The following SH3RF3 variants were observed in gnomAD, a reference collection of about 807,000 sequenced individuals.
SH3RF3 encodes SH3 domain containing ring finger 3, also known as E3 ubiquitin-protein ligase SH3RF3.
A neutral mutation model predicts 66.3 loss-of-function variants in SH3RF3; 29 were observed. That is an observed-to-expected ratio of 0.44 (90% CI 0.33 to 0.60). SH3RF3 has a LOEUF of 0.60. Among genes scored for constraint, SH3RF3 ranks in the 20% least tolerant of loss-of-function variants. SH3RF3 has a pLI of 0.04. For synonymous variants in SH3RF3, 583 were observed against 532.0 expected, an observed-to-expected ratio of 1.10 and a Z score of -1.32; for missense variants, 1,194 against 1,190.9, an observed-to-expected ratio of 1.00 and a Z score of -0.04.
intron 9 of SH3RF3, among the ~76,000 whole-genome samples, chr2:109,498,194 C>G (rs1479408654): frequency 6.6e-6 from 1 of 152,200 alleles, no homozygotes; most frequent in Non-Finnish European, 1.5e-5. Flanking sequence ...GTCTGGTTCG[C>G]CGGCAGATAG....
At chr2:109,394,688 A>G (rs1483652174) in intron 3 of SH3RF3, among the ~76,000 whole-genome samples, 1 of 152,236 alleles carries the variant, frequency 6.6e-6, no homozygotes, top group Non-Finnish European at 1.5e-5. Context: ...GGGGACGTCC[A>G]CCTGATAAAC....
At chr2:109,363,279 T>C (rs1238378585) in intron 2 of SH3RF3, among the ~76,000 whole-genome samples, 1 of 152,180 alleles carries the variant, frequency 6.6e-6, no homozygotes, top group Non-Finnish European at 1.5e-5. Context: ...AATATTCATT[T>C]ACAATGAATT....
intron 4 of SH3RF3, among the ~76,000 whole-genome samples, chr2:109,419,205 A>C (rs544786206): frequency 4.6e-5 from 7 of 152,280 alleles, no homozygotes; most frequent in African/African-American, 1.7e-4. Flanking sequence ...GTTTTTTTTA[A>C]ACAAACACAA....
chr2:109,406,860 T>C (rs896400304), intron 4 of SH3RF3, among the ~76,000 whole-genome samples: 1 of 151,656 alleles, frequency 6.6e-6, no homozygotes, highest in Admixed American at 6.5e-5. Flanking sequence ...AAGCCAATCT[T>C]ACAGCCCCGC....
chr2:109,489,413 C>G (rs558565601), intron 8 of SH3RF3, among the ~76,000 whole-genome samples: 1 of 152,366 alleles, frequency 6.6e-6, no homozygotes, highest in East Asian at 1.9e-4. Flanking sequence ...TGCTCTTAGA[C>G]AACCAGACCC....
At chr2:109,336,528 G>A (rs1262572321) in intron 1 of SH3RF3, among the ~76,000 whole-genome samples, 4 of 152,196 alleles carry the variant, frequency 2.6e-5, no homozygotes, top group South Asian at 2.1e-4. Flanking sequence ...CGTGTACCCC[G>A]CAGGCTGCTC....
intron 1 of SH3RF3, among the ~76,000 whole-genome samples, chr2:109,184,694 C>T (rs1335108288): frequency 1.3e-5 from 2 of 152,218 alleles, no homozygotes; most frequent in African/African-American, 4.8e-5. Flanking sequence ...CCCCTGCCAC[C>T]AGGAAGCAGC....
At chr2:109,307,223 T>G (rs1290653156) in intron 1 of SH3RF3, among the ~76,000 whole-genome samples, 1 of 152,226 alleles carries the variant, frequency 6.6e-6, no homozygotes, top group African/African-American at 2.4e-5. Flanking sequence ...ATATTCATAA[T>G]TACCTTTTTG....
chr2:109,208,554 C>T (rs751522712), intron 1 of SH3RF3, among the ~76,000 whole-genome samples: 4 of 152,206 alleles, frequency 2.6e-5, no homozygotes, highest in East Asian at 1.9e-4. Context: ...CAGCACCAAC[C>T]GACCCACCTG....
chr2:109,434,173 C>A (rs893090078), intron 6 of SH3RF3, among the ~76,000 whole-genome samples: 11 of 152,230 alleles, frequency 7.2e-5, no homozygotes, highest in African/African-American at 2.7e-4. Context: ...GACTCCCTGA[C>A]CAGCTGGCAC....
At chr2:109,221,880 A>G (rs964009533) in intron 1 of SH3RF3, among the ~76,000 whole-genome samples, 3 of 152,190 alleles carry the variant, frequency 2.0e-5, no homozygotes, top group Admixed American at 6.5e-5. Flanking sequence ...AAAAGAAATC[A>G]GTGTATCAAA....
At chr2:109,495,866 T>C (rs557084663) in intron 9 of SH3RF3, among the ~76,000 whole-genome samples, 1 of 152,326 alleles carries the variant, frequency 6.6e-6, no homozygotes, top group African/African-American at 2.4e-5. Context: ...GGTATAATAC[T>C]TGTAAATCAC....
chr2:109,347,896 G>T lies in SH3RF3; in HGVS notation c.796G>T (p.Asp266Tyr). 3 of 1,611,666 alleles carry T rather than the reference G, an allele frequency of 1.9e-6. No homozygotes were observed. The highest frequency in any genetic ancestry group is 2.5e-6 in the Non-Finnish European group (3 of 1,178,950). The change falls in exon 2 of 10, where the codon GAT becomes TAT. Residue 266 changes from aspartate (D) to tyrosine (Y), a missense_variant. By Grantham distance (160) the Asp-to-Tyr change is radical (BLOSUM62 -3). Transcript: ENST00000309415. ...HAPPQGKALY[D>Y]FEMKDKDQDK... Reference sequence around the variant, plus strand: ...CCCGCCCCAGGGAAAAGCACTTTATGATTTCGAGATGAAGGACAAAGACCA... The same window carrying T: ...CCCGCCCCAGGGAAAAGCACTTTATTATTTCGAGATGAAGGACAAAGACCA...
chr2:109,447,699 C>T (rs1677750017), intron 7 of SH3RF3, among the ~76,000 whole-genome samples: 1 of 152,146 alleles, frequency 6.6e-6, no homozygotes, highest in African/African-American at 2.4e-5. Context: ...TTGTTTCATC[C>T]ATATTTATTA....
chr2:109,173,528 C>G (rs537413703), intron 1 of SH3RF3, among the ~76,000 whole-genome samples: 1 of 152,284 alleles, frequency 6.6e-6, no homozygotes, highest in Admixed American at 6.5e-5. Flanking sequence ...TATGTATTGT[C>G]TGTGGCTGCC....
chr2:109,332,311 C>T (rs1682307617), intron 1 of SH3RF3, among the ~76,000 whole-genome samples: 1 of 152,146 alleles, frequency 6.6e-6, no homozygotes, highest in Non-Finnish European at 1.5e-5. Flanking sequence ...AGAGCTCCTC[C>T]TCCTGATTCT....
chr2:109,369,555 G>C (rs1489429800), intron 2 of SH3RF3, among the ~76,000 whole-genome samples: 1 of 152,136 alleles, frequency 6.6e-6, no homozygotes, highest in Non-Finnish European at 1.5e-5. Flanking sequence ...TTTTTGGTTT[G>C]GGTGTTTTTG....
intron 1 of SH3RF3, among the ~76,000 whole-genome samples, chr2:109,157,945 A>T (rs1677388554): frequency 6.6e-6 from 1 of 152,178 alleles, no homozygotes. Flanking sequence ...ATACAAATCC[A>T]CTGTTTAGTG....
intron 1 of SH3RF3, among the ~76,000 whole-genome samples, chr2:109,288,292 C>G (rs1480834999): frequency 6.6e-6 from 1 of 152,190 alleles, no homozygotes; most frequent in Non-Finnish European, 1.5e-5. Flanking sequence ...TTGCATAACT[C>G]CTTTCAGAGT....
Sources: gnomAD v4.1 joint callset for allele counts (sites outside exome capture counted in the v4.1 genomes callset) on GRCh38, gnomAD v4.1.1 for gene constraint, MANE v1.5 for transcripts, NCBI Gene and HGNC (gene_info 2026-07-23, HGNC 2026-07-21) for gene names.